Variants in NECTIN1 observed in about 807,000 individuals in gnomAD.
NECTIN1 encodes nectin-1.
In NECTIN1, 23 loss-of-function variants were observed where a neutral mutation model predicts 48.0. The ratio of observed to expected loss-of-function variants is 0.48; its 90% CI spans 0.34 to 0.68. The LOEUF (loss-of-function observed/expected upper bound fraction) is 0.68, where lower values mean the gene tolerates loss of function less well. Ranked by LOEUF, NECTIN1 falls within the 30% of genes least tolerant of loss-of-function variation. The pLI is 0.01. For synonymous variants in NECTIN1, 270 were observed against 288.9 expected (o/e 0.93, Z 0.66); for missense variants, 591 against 709.9 (o/e 0.83, Z 1.90).
chr11:119,670,039 A>G (rs1056885258), intron 5 of NECTIN1, among the ~76,000 whole-genome samples: 8 of 150,876 alleles, frequency 5.3e-5, no homozygotes, highest in African/African-American at 2.0e-4. Flanking sequence ...GGCTCATGCA[A>G]CCTCCGCCTC....
At chr11:119,702,036 AT>A (rs1418335135) in intron 1 of NECTIN1, among the ~76,000 whole-genome samples, 1 of 152,182 alleles carries the variant, frequency 6.6e-6, no homozygotes, top group Non-Finnish European at 1.5e-5. Context: ...GGAAAATGCA[AT>A]TTAATGAAGT....
At chr11:119,639,630 A>T in intron 6 of NECTIN1, 1 of 590,052 alleles carries the variant, frequency 1.7e-6, no homozygotes, top group South Asian at 2.0e-5. Flanking sequence ...TGCTGTGAGG[A>T]TAAAATGCAT....
At chr11:119,651,262 A>G (rs1436120636) in intron 5 of NECTIN1, among the ~76,000 whole-genome samples, 8 of 152,188 alleles carry the variant, frequency 5.3e-5, no homozygotes, top group Non-Finnish European at 1.5e-5. Context: ...AGGAAGGCCA[A>G]CACCAGCCAG....
Position 119,664,904 on chromosome 11 carries a change from C to T in NECTIN1, c.1397G>A (p.Arg466Gln), listed in dbSNP as rs752790442. 3.1e-6 allele frequency: 5 copies of T among 1,613,986 alleles called. No homozygotes were observed. The highest frequency in any genetic ancestry group is 2.2e-5 in the East Asian group (1 of 44,876). ...GGCCTCATCCACGGTGAAGTAGGGC[C>T]GCTTGGCGTCCTCGTCATATTTGGG... is the stretch of plus-strand genomic sequence containing the variant. ...PHPKYDEDAK[R>Q]PYFTVDEAEA... is the part of the protein sequence containing the mutation. Residue 466 changes from arginine to glutamine, a missense_variant, in exon 6 of 6, where the codon CGG becomes CAG. Coordinates refer to ENST00000264025, the MANE Select transcript of NECTIN1 (RefSeq NM_002855.5).
chr11:119,690,257 C>A (rs1481895248), intron 1 of NECTIN1, among the ~76,000 whole-genome samples: 1 of 152,124 alleles, frequency 6.6e-6, no homozygotes, highest in East Asian at 1.9e-4. Flanking sequence ...GGACTGAGAC[C>A]CCAGCAGGCC....
At chr11:119,682,795 C>G (rs776073345) in intron 1 of NECTIN1, among the ~76,000 whole-genome samples, 4 of 152,090 alleles carry the variant, frequency 2.6e-5, no homozygotes, top group Non-Finnish European at 5.9e-5. Context: ...AACAGGCCTC[C>G]CTCCCTGGAA....
intron 1 of NECTIN1, among the ~76,000 whole-genome samples, chr11:119,717,584 A>C (rs947474649): frequency 1.2e-4 from 18 of 152,134 alleles, no homozygotes; most frequent in Admixed American, 1.3e-4. Flanking sequence ...GCTCCGCTCC[A>C]GTGTTATTTA....
Position 119,691,432 on chromosome 11 carries a change from G to A in NECTIN1, c.80-12667C>T, listed in dbSNP as rs377654722. Among the ~76,000 whole-genome samples, 20 of 152,372 alleles carry A rather than the reference G, an allele frequency of 1.3e-4. No individual in the cohort carries two copies. In the South Asian group the frequency reaches 4.1e-3, roughly 32 times the overall value. On this transcript the variant is annotated intron_variant, in intron 1 of 5. Coordinates refer to ENST00000264025, the MANE Select transcript of NECTIN1 (RefSeq NM_002855.5). Reference sequence around the variant, plus strand: ...GGGAAAGTGGGATCTTCAAAAGGTTGTGACATGGGGTTTTGGGGAGAGGCC... The same window carrying A: ...GGGAAAGTGGGATCTTCAAAAGGTTATGACATGGGGTTTTGGGGAGAGGCC...
At chr11:119,652,246 A>G (rs1333231195) in intron 5 of NECTIN1, among the ~76,000 whole-genome samples, 2 of 152,178 alleles carry the variant, frequency 1.3e-5, no homozygotes, top group Admixed American at 6.5e-5. Context: ...TGTGGTCACC[A>G]TGACACCTCG....
intron 5 of NECTIN1, among the ~76,000 whole-genome samples, chr11:119,650,531 G>A (rs1258013624): frequency 6.6e-6 from 1 of 152,218 alleles, no homozygotes; most frequent in Non-Finnish European, 1.5e-5. Flanking sequence ...TATGGGGCCT[G>A]GGATCCCCTG....
intron 1 of NECTIN1, among the ~76,000 whole-genome samples, chr11:119,685,130 G>C (rs991513052): frequency 3.3e-5 from 5 of 152,242 alleles, no homozygotes; most frequent in Non-Finnish European, 7.3e-5. Context: ...TGTCTCCCCT[G>C]CTGCCTGCAG....
At chr11:119,639,035 A>C (rs1195974187) in intron 6 of NECTIN1, among the ~76,000 whole-genome samples, 1 of 151,726 alleles carries the variant, frequency 6.6e-6, no homozygotes. Flanking sequence ...TCTGCCCCGG[A>C]CCCCAGCCCA....
At chr11:119,694,823 C>T (rs2135565462) in intron 1 of NECTIN1, among the ~76,000 whole-genome samples, 1 of 152,280 alleles carries the variant, frequency 6.6e-6, no homozygotes, top group African/African-American at 2.4e-5. Context: ...CCTGCTGCCC[C>T]CCCAGGCATC....
intron 5 of NECTIN1, among the ~76,000 whole-genome samples, chr11:119,645,779 G>A (rs73571287): frequency 0.052 from 7,954 of 152,208 alleles, 694 homozygotes; most frequent in African/African-American, 0.18. Context: ...GCTCAGGAGG[G>A]GACATACCCC....
intron 4 of NECTIN1, chr11:119,676,831 T>A: frequency 5.9e-6 from 3 of 506,006 alleles, no homozygotes; most frequent in Non-Finnish European, 1.1e-5. Context: ...GACAAAACTC[T>A]TTATTAGGAA....
chr11:119,677,328 G>T lies in NECTIN1; in HGVS notation c.734-109C>A. On this transcript the variant is annotated intron_variant, in intron 3 of 5. Coordinates refer to ENST00000264025, the MANE Select transcript of NECTIN1 (RefSeq NM_002855.5). The surrounding 1 kb of genome is among the most constrained non-coding windows in gnomAD (Gnocchi z 5.4). ...AGGAGCAGTGGCATGGAAACAGCCA[G>T]GAGAGAGGGAAGTGTGGGTGGGAGG... The T allele has an allele frequency of 9.0e-7, 1 of 1,116,554 alleles. No individual in the cohort carries two copies. Among genetic ancestry groups the T allele is most frequent in the South Asian group, 1.2e-5 (1 of 80,462 alleles). The allele number at this position is 1,116,554 out of a possible 1,614,324, so 69.2% of individuals were successfully genotyped here.
intron 5 of NECTIN1, chr11:119,674,597 A>C: frequency 6.2e-7 from 1 of 1,614,210 alleles, no homozygotes; most frequent in Non-Finnish European, 8.5e-7. Context: ...TCTCCTCAGA[A>C]CATCCTAGCT....
intron 5 of NECTIN1, among the ~76,000 whole-genome samples, chr11:119,648,254 A>AGGTGGTAATAGTGGTGGTGGTGATGGT (rs1864426365): frequency 6.0e-5 from 1 of 16,690 alleles, no homozygotes; most frequent in African/African-American, 1.9e-4. Flanking sequence ...GTGGTGATAG[A>AGGTGGTAATAGTGGTGGTGGTGATGGT]GGTGGTAATA....
At chr11:119,720,370 G>A (rs1038146110) in intron 1 of NECTIN1, among the ~76,000 whole-genome samples, 1 of 152,242 alleles carries the variant, frequency 6.6e-6, no homozygotes, top group African/African-American at 2.4e-5. Context: ...GCCCTCACAG[G>A]GGCACTCCAC....
Sources: gnomAD v4.1 joint callset for allele counts (sites outside exome capture counted in the v4.1 genomes callset) on GRCh38, gnomAD v4.1.1 for gene constraint, Gnocchi (gnomAD v3.1) non-coding constraint, MANE v1.5 for transcripts, NCBI Gene and HGNC (gene_info 2026-07-23, HGNC 2026-07-21) for gene names.